Variants in MYO5B observed in about 807,000 individuals in gnomAD.
The protein encoded by MYO5B is unconventional myosin-Vb.
Under a neutral mutation model 229.3 loss-of-function variants are expected in MYO5B, and 143 were observed. That is an observed-to-expected ratio of 0.62 (90% CI 0.54 to 0.72). The LOEUF is 0.72. MYO5B is among the 30% of genes least tolerant of loss of function. The probability of loss-of-function intolerance (pLI) is 0.00; values close to 1 mark genes in which losing one functional copy is unlikely to be tolerated. For missense variants in MYO5B, 2,321 were observed against 2,331.0 expected (o/e 1.00, Z 0.09); for synonymous variants, 918 against 885.2 (o/e 1.04, Z -0.66).
intron 1 of MYO5B, among the ~76,000 whole-genome samples, chr18:50,087,955 G>A (rs573366976): frequency 6.6e-6 from 1 of 152,236 alleles, no homozygotes; most frequent in Admixed American, 6.5e-5. Context: ...GGGTACCACA[G>A]AAACTCTGAG....
At chr18:49,928,433 C>G (rs1193855571) in intron 17 of MYO5B, among the ~76,000 whole-genome samples, 1 of 152,190 alleles carries the variant, frequency 6.6e-6, no homozygotes, top group Non-Finnish European at 1.5e-5. Flanking sequence ...CACCTGAGGT[C>G]AGGAGTTTGA....
intron 4 of MYO5B, among the ~76,000 whole-genome samples, chr18:50,011,825 T>C (rs1221397192): frequency 6.6e-6 from 1 of 152,060 alleles, no homozygotes; most frequent in African/African-American, 2.4e-5. Context: ...CTCATCTGAA[T>C]GTGTCCAGGC....
intron 1 of MYO5B, among the ~76,000 whole-genome samples, chr18:50,072,518 C>T (rs968178348): frequency 6.6e-6 from 1 of 152,146 alleles, no homozygotes; most frequent in Non-Finnish European, 1.5e-5. Flanking sequence ...AAACTGCTGG[C>T]CCACGTCCTT....
chr18:50,061,384 A>G (rs2030682502), intron 1 of MYO5B, among the ~76,000 whole-genome samples: 1 of 152,212 alleles, frequency 6.6e-6, no homozygotes, highest in Non-Finnish European at 1.5e-5. Flanking sequence ...ATTACTATAC[A>G]GTTTTGTCGA....
intron 1 of MYO5B, among the ~76,000 whole-genome samples, chr18:50,116,022 C>T (rs909551033): frequency 2.0e-5 from 3 of 152,096 alleles, no homozygotes; most frequent in African/African-American, 7.2e-5. Flanking sequence ...CCTTTCCATC[C>T]CCCCATCTCT....
chr18:49,922,194 A>T (rs556916984), intron 17 of MYO5B, among the ~76,000 whole-genome samples: 1 of 152,354 alleles, frequency 6.6e-6, no homozygotes, highest in East Asian at 1.9e-4. Context: ...TTCCTTCAGT[A>T]GCTAACACCT....
intron 1 of MYO5B, among the ~76,000 whole-genome samples, chr18:50,143,390 C>T (rs2032447507): frequency 6.6e-6 from 1 of 152,088 alleles, no homozygotes; most frequent in African/African-American, 2.4e-5. Context: ...CCCAGGAGGC[C>T]CCCCTCAGTT....
Position 49,925,342 on chromosome 18 carries a change from G to C in MYO5B, c.2090+4170C>G, listed in dbSNP as rs186396833. 2.1e-4 allele frequency among the ~76,000 whole-genome samples: 32 copies of C among 152,328 alleles called. No individual in the cohort carries two copies. In the East Asian group the frequency reaches 3.9e-3, roughly 18 times the overall value. The stretch of plus-strand genomic sequence containing the variant: ...CTCCCGCCTTCCGGTTGTCCCACTT[G>C]TCTGAACCAAACCATTGTATATCTT... On this transcript the variant is annotated intron_variant, in intron 17 of 39. Transcript: ENST00000285039.
chr18:50,014,876 C>G (rs999118617), intron 4 of MYO5B, among the ~76,000 whole-genome samples: 1 of 152,212 alleles, frequency 6.6e-6, no homozygotes, highest in Non-Finnish European at 1.5e-5. Context: ...AAGAAAAGTG[C>G]TCCCTTGAGG....
In MYO5B at chr18:49,962,094, C is replaced by T. The variant is rs16951324; in HGVS notation, c.1545+172G>A. On this transcript the variant is annotated intron_variant, in intron 12 of 39. Transcript: ENST00000285039. ...CCTGCCAGTCACTTTAAACATGTTG[C>T]CTTCTAGCACACAGAATGGTACATG... Among the ~76,000 whole-genome samples, 3,708 of 152,260 alleles carry T rather than the reference C, an allele frequency of 0.024. 147 individuals carry two copies. Among genetic ancestry groups the T allele is most frequent in the African/African-American group, 0.083 (3,444 of 41,530 alleles).
chr18:49,848,332 G>A (rs1421315590), intron 32 of MYO5B, among the ~76,000 whole-genome samples: 1 of 152,112 alleles, frequency 6.6e-6, no homozygotes, highest in Admixed American at 6.5e-5. Context: ...TGGTGGGGCT[G>A]GAAGGACCCC....
chr18:50,012,065 G>A (rs2026166908), intron 4 of MYO5B, among the ~76,000 whole-genome samples: 1 of 151,808 alleles, frequency 6.6e-6, no homozygotes, highest in African/African-American at 2.4e-5. Context: ...ATTAAGAAGT[G>A]CTCGTGGAGC....
chr18:50,187,950 T>G (rs763284651), intron 1 of MYO5B, among the ~76,000 whole-genome samples: 1 of 152,066 alleles, frequency 6.6e-6, no homozygotes, highest in African/African-American at 2.4e-5. Context: ...AAAAAGAACA[T>G]TAGTGAAAAA....
chr18:49,870,192 C>A (rs991395642), intron 27 of MYO5B, among the ~76,000 whole-genome samples: 1 of 152,176 alleles, frequency 6.6e-6, no homozygotes, highest in African/African-American at 2.4e-5. Flanking sequence ...ATCTGTGTGG[C>A]CCTGGTTGTT....
chr18:49,848,621 T>TA (rs2024160837), intron 32 of MYO5B, among the ~76,000 whole-genome samples: 1 of 152,048 alleles, frequency 6.6e-6, no homozygotes, highest in Non-Finnish European at 1.5e-5. Context: ...GGGAAGCTAC[T>TA]AAGCAATCTG....
chr18:50,096,177 C>G (rs1250884213), intron 1 of MYO5B, among the ~76,000 whole-genome samples: 3 of 152,114 alleles, frequency 2.0e-5, no homozygotes, highest in Non-Finnish European at 4.4e-5. Context: ...CATTAAATAG[C>G]CACATTTGGC....
chr18:49,955,452 T>C (rs571092540), intron 12 of MYO5B, among the ~76,000 whole-genome samples: 1 of 152,328 alleles, frequency 6.6e-6, no homozygotes, highest in Middle Eastern at 3.4e-3. Flanking sequence ...GGTCACTAAC[T>C]GACCTGCCCT....
At chr18:50,122,935 A>T (rs1238426874) in intron 1 of MYO5B, among the ~76,000 whole-genome samples, 1 of 152,196 alleles carries the variant, frequency 6.6e-6, no homozygotes, top group East Asian at 1.9e-4. Flanking sequence ...CTGAACACAG[A>T]ATTACCATGT....
chr18:50,109,465 G>A (rs187203923), intron 1 of MYO5B, among the ~76,000 whole-genome samples: 1,796 of 147,828 alleles, frequency 0.012, 29 homozygotes, highest in African/African-American at 0.043. Context: ...TTGCTCTGTC[G>A]CCCAGGCTGG....
Sources: gnomAD v4.1 joint callset for allele counts (sites outside exome capture counted in the v4.1 genomes callset) on GRCh38, gnomAD v4.1.1 for gene constraint, MANE v1.5 for transcripts, NCBI Gene and HGNC (gene_info 2026-07-23, HGNC 2026-07-21) for gene names.